Variants in GUCY1A2 observed in about 807,000 individuals in gnomAD.
GUCY1A2 encodes guanylate cyclase 1 soluble subunit alpha 2.
In GUCY1A2, 27 loss-of-function variants were observed where a neutral mutation model predicts 63.5. The ratio of observed to expected loss-of-function variants is 0.43; its 90% CI spans 0.31 to 0.59. The LOEUF (loss-of-function observed/expected upper bound fraction) is 0.59. Ranked by LOEUF, GUCY1A2 falls within the 20% of genes least tolerant of loss-of-function variation. The pLI is 0.11. For synonymous variants in GUCY1A2, 364 were observed against 343.5 expected, an observed-to-expected ratio of 1.06 and a Z score of -0.66; for missense variants, 768 against 913.3, an observed-to-expected ratio of 0.84 and a Z score of 2.05.
chr11:106,912,356 T>G (rs771260577), intron 4 of GUCY1A2, among the ~76,000 whole-genome samples: 1 of 152,102 alleles, frequency 6.6e-6, no homozygotes, highest in African/African-American at 2.4e-5. Flanking sequence ...TCATGGATCT[T>G]TCCAGCATTT....
At chr11:106,841,278 G>C (rs79287415) in intron 4 of GUCY1A2, among the ~76,000 whole-genome samples, 2 of 151,676 alleles carry the variant, frequency 1.3e-5, no homozygotes, top group African/African-American at 4.8e-5. Flanking sequence ...TAAATGCTTC[G>C]AGGAGGCTTT....
intron 4 of GUCY1A2, among the ~76,000 whole-genome samples, chr11:106,914,629 T>A (rs1459477600): frequency 6.7e-6 from 1 of 150,310 alleles, no homozygotes; most frequent in African/African-American, 2.4e-5. Context: ...AGGAAATAAT[T>A]ACAAGGAAAA....
intron 4 of GUCY1A2, among the ~76,000 whole-genome samples, chr11:106,935,219 G>A (rs1860659488): frequency 6.6e-6 from 1 of 152,086 alleles, no homozygotes; most frequent in South Asian, 2.1e-4. Flanking sequence ...ACTGATACCT[G>A]GTGCTTTCAT....
chr11:106,978,689 A>C lies in GUCY1A2; in HGVS notation c.417T>G (p.Tyr139Ter), dbSNP rs1196006189. The C allele has an allele frequency of 6.3e-7, 1 of 1,586,970 alleles. No individual in the cohort carries two copies. The highest frequency in any genetic ancestry group is 8.7e-7 in the Non-Finnish European group (1 of 1,155,750). ...TTTCTTCTTTGTTGGAGTGGTCTGC[A>C]TAGGAGCATCTGTTAGAGATATTGT... Reference protein sequence around the residue: ...NFHNISNRCSYADHSNKEEIE... With the variant: ...NFHNISNRCS Residue 139 changes from tyrosine to a stop codon, truncating the protein, a stop_gained, in exon 3 of 8, where the codon TAT (tyrosine) becomes TAG (stop). Coordinates refer to ENST00000526355, the MANE Select transcript of GUCY1A2 (RefSeq NM_000855.3). LOFTEE classifies it high-confidence loss of function.
intron 5 of GUCY1A2, among the ~76,000 whole-genome samples, chr11:106,781,025 A>G (rs1864449733): frequency 1.3e-5 from 2 of 151,728 alleles, no homozygotes; most frequent in Non-Finnish European, 2.9e-5. Flanking sequence ...AGGAAAAGTG[A>G]AAGTGTCATG....
intron 4 of GUCY1A2, among the ~76,000 whole-genome samples, chr11:106,824,474 C>T (rs1858941131): frequency 6.6e-6 from 1 of 151,960 alleles, no homozygotes; most frequent in African/African-American, 2.4e-5. Context: ...GTTGTGATTA[C>T]TAATAGTTGA....
Position 106,678,509 on chromosome 11 carries a change from AAG to A in GUCY1A2, c.*9038_*9039del, listed in dbSNP as rs1862382479. On this transcript the variant is annotated 3_prime_UTR_variant, in exon 8 of 8. Transcript: ENST00000526355. ...GAAAGTCATATTTTGCTAGCTTTTA[AAG>A]AGTGATATTGACCATGAAGAAATAG... The A allele has an allele frequency of 4.7e-6, 1 of 213,620 alleles. No individual in the cohort carries two copies. The highest frequency in any genetic ancestry group is 9.5e-6 in the Non-Finnish European group (1 of 105,628). The allele number at this position is 213,620 out of a possible 1,614,324, so 13.2% of individuals were successfully genotyped here. A position where few individuals can be genotyped will look rare whatever the true frequency, so the allele number is the denominator to read the frequency against.
Position 106,680,545 on chromosome 11 carries a change from A to T in GUCY1A2, c.*7004T>A. Reference sequence around the variant, plus strand: ...ATCTGATCAGCAACTAGCTGAATTAACTGGAAGGATAACTTCAGTGTAATT... The same window carrying T: ...ATCTGATCAGCAACTAGCTGAATTATCTGGAAGGATAACTTCAGTGTAATT... On this transcript the variant is annotated 3_prime_UTR_variant, in exon 8 of 8. Coordinates refer to ENST00000526355, the MANE Select transcript of GUCY1A2 (RefSeq NM_000855.3). 1 of 197,614 alleles carries T rather than the reference A, an allele frequency of 5.1e-6. No homozygotes were observed. The highest frequency in any genetic ancestry group is 7.9e-5 in the East Asian group (1 of 12,644). 12.2% of individuals were successfully genotyped at this position (197,614 alleles called of 1,614,324 possible).
intron 4 of GUCY1A2, among the ~76,000 whole-genome samples, chr11:106,847,242 ATATAT>A (rs1172638392): frequency 0.031 from 3,324 of 107,124 alleles, 121 homozygotes; most frequent in African/African-American, 0.091. Context: ...AAAAAAAAAA[ATATAT>A]ATATATATAT....
chr11:106,827,813 C>T (rs1858992641), intron 4 of GUCY1A2: 3 of 1,595,056 alleles, frequency 1.9e-6, no homozygotes, highest in Non-Finnish European at 2.6e-6. Context: ...CCAACTGCTC[C>T]GCACAAGTGA....
chr11:106,720,556 A>T (rs1268429055), intron 6 of GUCY1A2, among the ~76,000 whole-genome samples: 2 of 152,196 alleles, frequency 1.3e-5, no homozygotes, highest in East Asian at 3.8e-4. Context: ...TGAACGATGC[A>T]TAATGATAAT....
chr11:107,017,805 C>T lies in GUCY1A2; in HGVS notation c.251G>A (p.Arg84Gln), dbSNP rs771355218. Residue 84 changes from arginine to glutamine, a missense_variant, in exon 1 of 8, where the codon CGG (arginine) becomes CAG (glutamine). Coordinates refer to ENST00000526355, the MANE Select transcript of GUCY1A2 (RefSeq NM_000855.3). ...CTCGCCCAGCGAGTCCAGGTTGACC[C>T]GCCTCCGGCGCTGCACCCTCCTGGC... The part of the protein sequence containing the change: ...AGARRVQRRR[R>Q]VNLDSLGESI... 4.2e-6 allele frequency: 6 copies of T among 1,415,878 alleles called. No individual in the cohort carries two copies. The highest frequency in any genetic ancestry group is 1.6e-5 in the South Asian group (1 of 64,036). The allele number at this position is 1,415,878 out of a possible 1,614,324, so 87.7% of individuals were successfully genotyped here.
At chr11:106,986,738 G>GCC (rs1861406809) in intron 1 of GUCY1A2, among the ~76,000 whole-genome samples, 1 of 152,094 alleles carries the variant, frequency 6.6e-6, no homozygotes, top group Non-Finnish European at 1.5e-5. Context: ...GGGCCCCACA[G>GCC]CCATGACTGT....
At chr11:106,809,916 A>G (rs1261336800) in intron 5 of GUCY1A2, 77 bp downstream of exon 5, 2 of 929,942 alleles carry the variant, frequency 2.2e-6, no homozygotes, top group Non-Finnish European at 3.2e-6. Context: ...ATCAAGTTTA[A>G]GTAAAAAAAT....
chr11:106,710,121 AATATAGTTAT>A (rs1283585155), intron 6 of GUCY1A2, among the ~76,000 whole-genome samples: 1 of 92,742 alleles, frequency 1.1e-5, no homozygotes, highest in Non-Finnish European at 2.0e-5. Context: ...ACATGTATAT[AATATAGTTAT>A]ATATATAATA....
chr11:106,755,407 T>G (rs568429714), intron 6 of GUCY1A2, among the ~76,000 whole-genome samples: 1 of 152,298 alleles, frequency 6.6e-6, no homozygotes, highest in South Asian at 2.1e-4. Context: ...ATTTGTTTGC[T>G]CTTACTTCTC....
intron 7 of GUCY1A2, among the ~76,000 whole-genome samples, chr11:106,702,032 G>T (rs1400106206): frequency 1.3e-5 from 2 of 152,110 alleles, no homozygotes; most frequent in Non-Finnish European, 2.9e-5. Flanking sequence ...GCAGCTACGG[G>T]TTTGAATTAT....
intron 5 of GUCY1A2, among the ~76,000 whole-genome samples, chr11:106,795,218 C>A (rs1487235971): frequency 6.6e-6 from 1 of 152,096 alleles, no homozygotes; most frequent in African/African-American, 2.4e-5. Flanking sequence ...AATACCCTTT[C>A]CCCTACATTT....
chr11:106,960,291 T>C (rs1446693145), intron 3 of GUCY1A2, among the ~76,000 whole-genome samples: 1 of 152,206 alleles, frequency 6.6e-6, no homozygotes, highest in African/African-American at 2.4e-5. Flanking sequence ...AGGATTTCAG[T>C]CTATTGTTCT....
Sources: allele counts gnomAD v4.1 joint callset (sites outside exome capture counted in the v4.1 genomes callset), GRCh38; gene constraint gnomAD v4.1.1; transcripts MANE v1.5; gene names NCBI Gene and HGNC (gene_info 2026-07-23, HGNC 2026-07-21).